Variants in CCDC146 observed in about 807,000 individuals in gnomAD.
CCDC146 encodes the protein coiled-coil domain containing 146, also known as coiled-coil domain-containing protein 146.
Under a neutral mutation model 119.3 loss-of-function variants are expected in CCDC146, and 92 were observed. The ratio of observed to expected loss-of-function variants is 0.77; its 90% CI spans 0.65 to 0.92. CCDC146 has a LOEUF of 0.92. Ranked by LOEUF, CCDC146 falls within the 40% of genes least tolerant of loss-of-function variation. The pLI, the probability that CCDC146 is intolerant of heterozygous loss-of-function variation, is 0.00. For synonymous variants in CCDC146, 372 were observed against 371.8 expected, an observed-to-expected ratio of 1.00 and a Z score of -0.01; for missense variants, 1,000 against 1,103.0, an observed-to-expected ratio of 0.91 and a Z score of 1.32.
chr7:77,257,251 G>C (rs1188912911), intron 6 of CCDC146: 2 of 152,132 alleles, frequency 1.3e-5, no homozygotes, highest in African/African-American at 2.4e-5. Context: ...AAAGGGATGA[G>C]AGGCCTGTAT....
chr7:77,259,798 C>CA (rs1793253505), intron 7 of CCDC146, among the ~76,000 whole-genome samples: 1 of 151,982 alleles, frequency 6.6e-6, no homozygotes, highest in South Asian at 2.1e-4. Flanking sequence ...CCTTCCGTGG[C>CA]ACTCAGTGGA....
intron 4 of CCDC146, among the ~76,000 whole-genome samples, chr7:77,247,239 T>C (rs6966804): frequency 0.11 from 16,987 of 152,270 alleles, 1,338 homozygotes; most frequent in Non-Finnish European, 0.15. Context: ...AAGTTTTAAA[T>C]GTCCTAAAGA....
At chr7:77,239,311 C>T (rs550528718) in intron 3 of CCDC146, among the ~76,000 whole-genome samples, 1 of 152,306 alleles carries the variant, frequency 6.6e-6, no homozygotes, top group African/African-American at 2.4e-5. Context: ...TATTAGCATA[C>T]ATGAAAATTG....
At chr7:77,288,609 G>A (rs1196379197) in intron 17 of CCDC146, among the ~76,000 whole-genome samples, 2 of 152,218 alleles carry the variant, frequency 1.3e-5, no homozygotes, top group Admixed American at 1.3e-4. Context: ...TGGGTTCCCT[G>A]GAGCATCCCG....
At chr7:77,277,168 G>A (rs1451548554) in intron 11 of CCDC146, among the ~76,000 whole-genome samples, 2 of 152,172 alleles carry the variant, frequency 1.3e-5, no homozygotes, top group African/African-American at 4.8e-5. Flanking sequence ...CAGGGTCTGG[G>A]ACAACTTGGT....
chr7:77,196,465 G>C lies in CCDC146; in HGVS notation c.156+28641G>C. ...CAGAAAGACATGCATCAAACCACCA[G>C]CCTGAACTGTAGTACAGCCCACAGT... On this transcript the variant is annotated intron_variant, in intron 2 of 18. Coordinates refer to ENST00000285871, the MANE Select transcript of CCDC146 (RefSeq NM_020879.3). This position sits in a 1 kb window ranked among gnomAD's most constrained non-coding sequence, Gnocchi z 4.2. The C allele has an allele frequency of 6.2e-7, 1 of 1,614,100 alleles. No homozygotes were observed. The highest frequency in any genetic ancestry group is 8.5e-7 in the Non-Finnish European group (1 of 1,180,002).
At chr7:77,127,804 G>A (rs1790710453) in intron 1 of CCDC146, among the ~76,000 whole-genome samples, 3 of 151,838 alleles carry the variant, frequency 2.0e-5, no homozygotes, top group Non-Finnish European at 4.4e-5. Flanking sequence ...TTCTCATTCT[G>A]TCATCCATAT....
At chr7:77,237,547 A>C (rs1792760884) in intron 3 of CCDC146, among the ~76,000 whole-genome samples, 2 of 152,206 alleles carry the variant, frequency 1.3e-5, no homozygotes, top group Admixed American at 6.5e-5. Context: ...CTGGTGGGAC[A>C]CTGACAGTCT....
At chr7:77,222,920 T>C (rs1358398860) in intron 2 of CCDC146, among the ~76,000 whole-genome samples, 1 of 152,212 alleles carries the variant, frequency 6.6e-6, no homozygotes, top group African/African-American at 2.4e-5. Context: ...CCTCTTCTGG[T>C]TAATGTTTTG....
intron 3 of CCDC146, among the ~76,000 whole-genome samples, chr7:77,238,407 T>C (rs1792779580): frequency 1.3e-5 from 2 of 152,154 alleles, no homozygotes; most frequent in South Asian, 4.1e-4. Flanking sequence ...CAGTGTTTCC[T>C]GCCCTCTGGA....
In CCDC146 at chr7:77,196,723, C is replaced by T. The variant is rs767286995; in HGVS notation, c.156+28899C>T. The T allele has an allele frequency of 6.2e-6, 10 of 1,614,024 alleles. No homozygotes were observed. The highest frequency in any genetic ancestry group is 8.5e-6 in the Non-Finnish European group (10 of 1,180,016). Reference sequence around the variant, plus strand: ...TCAGAATCATTTCCTTACTCTTGGTCAGAAGATGAATTTTATCGTTCCCCA... The same window carrying T: ...TCAGAATCATTTCCTTACTCTTGGTTAGAAGATGAATTTTATCGTTCCCCA... On this transcript the variant is annotated intron_variant, in intron 2 of 18. Coordinates refer to ENST00000285871, the MANE Select transcript of CCDC146 (RefSeq NM_020879.3). This position sits in a 1 kb window ranked among gnomAD's most constrained non-coding sequence, Gnocchi z 4.2.
At chr7:77,203,413 A>G (rs1233483429) in intron 2 of CCDC146, among the ~76,000 whole-genome samples, 1 of 151,572 alleles carries the variant, frequency 6.6e-6, no homozygotes, top group Non-Finnish European at 1.5e-5. Flanking sequence ...GTGGTGGCAC[A>G]TCTAGGTATG....
At chr7:77,202,529 G>A (rs1792011753) in intron 2 of CCDC146, among the ~76,000 whole-genome samples, 1 of 152,124 alleles carries the variant, frequency 6.6e-6, no homozygotes, top group African/African-American at 2.4e-5. Context: ...CCTTCAGAAT[G>A]CATAAAAAAT....
intron 11 of CCDC146, among the ~76,000 whole-genome samples, chr7:77,278,176 A>G (rs1204140558): frequency 6.6e-6 from 1 of 152,004 alleles, no homozygotes; most frequent in Non-Finnish European, 1.5e-5. Flanking sequence ...TCTCTCATCT[A>G]TTTTCCATAA....
At chr7:77,270,710 T>A (rs1461447762) in intron 9 of CCDC146, among the ~76,000 whole-genome samples, 1 of 152,168 alleles carries the variant, frequency 6.6e-6, no homozygotes, top group Non-Finnish European at 1.5e-5. Flanking sequence ...ACTCACTTAA[T>A]AAAAAGAGCA....
chr7:77,241,356 C>A (rs999492677), intron 3 of CCDC146, among the ~76,000 whole-genome samples: 1 of 95,390 alleles, frequency 1.0e-5, no homozygotes, highest in African/African-American at 2.7e-5. Flanking sequence ...CGCGCCCGGC[C>A]ACGTTGACAG....
chr7:77,258,962 G>A (rs759784408), intron 6 of CCDC146, 33 bp from the exon 7 acceptor site: 22 of 1,444,610 alleles, frequency 1.5e-5, no homozygotes, highest in South Asian at 1.0e-4. Context: ...GCCGAAGACC[G>A]CATAATTTAA....
intron 2 of CCDC146, among the ~76,000 whole-genome samples, chr7:77,209,631 T>A (rs567699632): frequency 2.0e-5 from 3 of 152,230 alleles, no homozygotes; most frequent in Non-Finnish European, 4.4e-5. Context: ...ATTTTTGCCC[T>A]GAACTGCCAT....
At chr7:77,154,421 A>G (rs1441597569) in intron 1 of CCDC146, among the ~76,000 whole-genome samples, 1 of 151,718 alleles carries the variant, frequency 6.6e-6, no homozygotes, top group Non-Finnish European at 1.5e-5. Context: ...CTCATCATTT[A>G]CATTAGGTAT....
Sources: allele counts gnomAD v4.1 joint callset (sites outside exome capture counted in the v4.1 genomes callset), GRCh38; gene constraint gnomAD v4.1.1; non-coding constraint Gnocchi (gnomAD v3.1); transcripts MANE v1.5; gene names NCBI Gene and HGNC (gene_info 2026-07-23, HGNC 2026-07-21).